RASGEF1B: variants seen among roughly 807,000 people sequenced by gnomAD.
RASGEF1B encodes the protein RasGEF domain family member 1B.
A neutral mutation model predicts 65.7 loss-of-function variants in RASGEF1B; 30 were observed. That is an observed-to-expected ratio of 0.46 (90% confidence interval 0.34 to 0.62). The LOEUF (loss-of-function observed/expected upper bound fraction) is 0.62, where lower values mean the gene tolerates loss of function less well. RASGEF1B is among the 20% of genes least tolerant of loss of function. The pLI is 0.01. For synonymous variants in RASGEF1B, 175 were observed against 194.8 expected, an observed-to-expected ratio of 0.90 and a Z score of 0.85; for missense variants, 495 against 580.1, an observed-to-expected ratio of 0.85 and a Z score of 1.51.
At chr4:81,435,279 C>T (rs924177193) in intron 10 of RASGEF1B, among the ~76,000 whole-genome samples, 52 of 151,016 alleles carry the variant, frequency 3.4e-4, no homozygotes, top group African/African-American at 1.1e-3. Flanking sequence ...GGTGTGGTGG[C>T]GGGCGCCTGT....
Position 81,446,367 on chromosome 4 carries a change from G to A in RASGEF1B, c.730-529C>T, listed in dbSNP as rs890008652. ...TAGCGTGGGTGGCAGAGTGAGATTC[G>A]GCCTCCAAAGAAAAAGTGTCCCTAC... On this transcript the variant is annotated intron_variant, in intron 6 of 13. Transcript: ENST00000264400. Among the ~76,000 whole-genome samples the A allele has an allele frequency of 3.9e-5, 6 of 152,060 alleles. No individual in the cohort carries two copies. The South Asian group carries it at 6.2e-4, about 16-fold the overall frequency.
chr4:81,467,065 G>C (rs1401831264), intron 1 of RASGEF1B, among the ~76,000 whole-genome samples: 1 of 151,350 alleles, frequency 6.6e-6, no homozygotes, highest in Non-Finnish European at 1.5e-5. Flanking sequence ...TCCAAGATAA[G>C]TACCTTCTTT....
intron 8 of RASGEF1B, among the ~76,000 whole-genome samples, chr4:81,443,133 A>C (rs957819342): frequency 2.6e-5 from 4 of 152,364 alleles, no homozygotes; most frequent in Non-Finnish European, 5.9e-5. Context: ...CCTCTCCTGA[A>C]TGATACTTTA....
intron 6 of RASGEF1B, among the ~76,000 whole-genome samples, chr4:81,447,073 G>C (rs777178367): frequency 3.3e-4 from 51 of 152,308 alleles, no homozygotes; most frequent in Non-Finnish European, 7.1e-4. Flanking sequence ...CTTAAAACAA[G>C]AGGCAAAGTA....
chr4:81,432,632 T>C (rs114513875), intron 12 of RASGEF1B, among the ~76,000 whole-genome samples: 1 of 152,146 alleles, frequency 6.6e-6, no homozygotes, highest in South Asian at 2.1e-4. Flanking sequence ...AAAAAAAGCT[T>C]ATAAAATGTA....
At chr4:81,461,807 C>T (rs1454674272) in intron 1 of RASGEF1B, among the ~76,000 whole-genome samples, 4 of 152,148 alleles carry the variant, frequency 2.6e-5, no homozygotes, top group African/African-American at 7.2e-5. Flanking sequence ...GTCCAATCTC[C>T]TCTTCTGAGA....
intron 8 of RASGEF1B, among the ~76,000 whole-genome samples, chr4:81,443,320 C>T (rs1721911908): frequency 6.6e-6 from 1 of 152,186 alleles, no homozygotes; most frequent in African/African-American, 2.4e-5. Context: ...ATACACAGAT[C>T]TTAAACACAT....
At chr4:81,432,576 C>T (rs535166530) in intron 12 of RASGEF1B, among the ~76,000 whole-genome samples, 1 of 152,158 alleles carries the variant, frequency 6.6e-6, no homozygotes, top group East Asian at 1.9e-4. Context: ...AACCCAAGGG[C>T]TTCTAAGCCA....
chr4:81,436,108 C>T (rs1357448293), intron 10 of RASGEF1B, among the ~76,000 whole-genome samples: 2 of 152,038 alleles, frequency 1.3e-5, no homozygotes, highest in Non-Finnish European at 2.9e-5. Context: ...AGATGCATGA[C>T]CCATCTCCCT....
At chr4:81,456,531 G>A (rs1341250262) in intron 4 of RASGEF1B, 120 bp downstream of exon 4, 2 of 1,013,112 alleles carry the variant, frequency 2.0e-6, no homozygotes, top group Non-Finnish European at 1.6e-6. Context: ...GATGTGGAGG[G>A]CTTGCCCAAA....
At chr4:81,457,222 G>T (rs1394620104) in intron 3 of RASGEF1B, among the ~76,000 whole-genome samples, 1 of 152,120 alleles carries the variant, frequency 6.6e-6, no homozygotes, top group African/African-American at 2.4e-5. Flanking sequence ...TCACACGTTG[G>T]CCAGGCTGGT....
intron 4 of RASGEF1B, chr4:81,456,369 A>C (rs1335696834): frequency 6.7e-6 from 4 of 598,542 alleles, no homozygotes; most frequent in Non-Finnish European, 1.2e-5. Flanking sequence ...GGTAAAAGTA[A>C]AGTAAAATTA....
chr4:81,440,977 T>C lies in RASGEF1B; in HGVS notation c.1009-48A>G. 3 of 1,283,588 alleles carry C rather than the reference T, an allele frequency of 2.3e-6. No individual in the cohort carries two copies. The South Asian group carries it at 3.7e-5, about 16-fold the overall frequency. 79.5% of individuals were successfully genotyped at this position (1,283,588 alleles called of 1,614,324 possible). ...TATTAACTATTTATTTATTGTAAAC[T>C]TCTGTAGGAAGTTTATAAGATCACA... On this transcript the variant is annotated intron_variant, in intron 9 of 13. Transcript: ENST00000264400.
chr4:81,463,914 T>G (rs1722725956), intron 1 of RASGEF1B, among the ~76,000 whole-genome samples: 1 of 152,184 alleles, frequency 6.6e-6, no homozygotes, highest in Admixed American at 6.5e-5. Flanking sequence ...ATATTCAAAG[T>G]GCTGGGCATG....
intron 10 of RASGEF1B, among the ~76,000 whole-genome samples, chr4:81,438,626 C>T (rs1049883709): frequency 2.6e-5 from 4 of 152,312 alleles, no homozygotes; most frequent in African/African-American, 9.6e-5. Flanking sequence ...CATAGGTATA[C>T]ATGTGTCATG....
chr4:81,428,467 T>G (rs753148098), intron 13 of RASGEF1B, among the ~76,000 whole-genome samples: 1 of 152,238 alleles, frequency 6.6e-6, no homozygotes, highest in Non-Finnish European at 1.5e-5. Context: ...ATACAGACTC[T>G]TTTTCTTGCC....
intron 2 of RASGEF1B, 28 bp downstream of exon 2, chr4:81,459,304 T>C: frequency 6.6e-7 from 1 of 1,511,602 alleles, no homozygotes; most frequent in Non-Finnish European, 8.9e-7. Flanking sequence ...TTGCCAAGGA[T>C]GTGTTTCAGA....
chr4:81,440,976 C>T (rs1236916316), intron 9 of RASGEF1B, 47 bp from the exon 10 acceptor site: 1 of 1,288,362 alleles, frequency 7.8e-7, no homozygotes, highest in Non-Finnish European at 1.1e-6. Flanking sequence ...TTATTGTAAA[C>T]TTCTGTAGGA....
chr4:81,438,949 T>C (rs1414202816), intron 10 of RASGEF1B, among the ~76,000 whole-genome samples: 2 of 152,126 alleles, frequency 1.3e-5, no homozygotes, highest in African/African-American at 4.8e-5. Context: ...ATATGTACCA[T>C]ATTTTCTTTA....
Sources: gnomAD v4.1 joint callset for allele counts (sites outside exome capture counted in the v4.1 genomes callset) on GRCh38, gnomAD v4.1.1 for gene constraint, MANE v1.5 for transcripts, NCBI Gene and HGNC (gene_info 2026-07-23, HGNC 2026-07-21) for gene names.